AFG2A: variants seen among roughly 807,000 people sequenced by gnomAD.
AFG2A encodes AAA ATPase AFG2A.
the AFG2A span, among the ~76,000 whole-genome samples, chr4:123,112,312 A>T: frequency 1.3e-5 from 2 of 152,196 alleles, no homozygotes; most frequent in Non-Finnish European, 1.5e-5. Flanking sequence ...AAAAACAAAA[A>T]TAATTGAGTT....
the AFG2A span, among the ~76,000 whole-genome samples, chr4:123,224,939 A>G: frequency 6.6e-6 from 1 of 151,980 alleles, no homozygotes; most frequent in Admixed American, 6.6e-5. Context: ...TGTGGTTTTG[A>G]TTTGCATTTC....
the AFG2A span, among the ~76,000 whole-genome samples, chr4:123,188,727 G>A: frequency 6.6e-6 from 1 of 152,054 alleles, no homozygotes; most frequent in South Asian, 2.1e-4. Flanking sequence ...TTGTTTTAAT[G>A]TTTGTTTTAT....
At chr4:123,107,602 A>G in the AFG2A span, among the ~76,000 whole-genome samples, 1 of 152,160 alleles carries the variant, frequency 6.6e-6, no homozygotes, top group African/African-American at 2.4e-5. Flanking sequence ...CCATGTCTTG[A>G]AGGTGGGGTT....
chr4:122,999,622 T>C, the AFG2A span, among the ~76,000 whole-genome samples: 2 of 151,748 alleles, frequency 1.3e-5, no homozygotes, highest in Non-Finnish European at 3.0e-5. Context: ...TAGTTGTAGA[T>C]AGGTGGCATT....
chr4:122,993,172 T>C, the AFG2A span, among the ~76,000 whole-genome samples: 7 of 151,752 alleles, frequency 4.6e-5, no homozygotes, highest in Admixed American at 2.6e-4. Flanking sequence ...TTTTTTTTTT[T>C]AGTAGAGATG....
At chr4:123,154,217 A>C in the AFG2A span, among the ~76,000 whole-genome samples, 1 of 151,782 alleles carries the variant, frequency 6.6e-6, no homozygotes, top group Non-Finnish European at 1.5e-5. Flanking sequence ...GAATAAAAAT[A>C]AGGGAGCTTT....
the AFG2A span, among the ~76,000 whole-genome samples, chr4:123,015,611 G>A: frequency 7.3e-5 from 11 of 151,060 alleles, no homozygotes; most frequent in Non-Finnish European, 1.6e-4. Flanking sequence ...GCAACCATCC[G>A]ATTTCTCAAT....
At chr4:123,141,457 C>T in the AFG2A span, among the ~76,000 whole-genome samples, 1 of 152,036 alleles carries the variant, frequency 6.6e-6, no homozygotes, top group Non-Finnish European at 1.5e-5. Context: ...GAGCGAGACT[C>T]GGTCTCAAAA....
At chr4:123,006,553 G>T in the AFG2A span, among the ~76,000 whole-genome samples, 2 of 151,648 alleles carry the variant, frequency 1.3e-5, no homozygotes, top group East Asian at 3.9e-4. Context: ...TACTTTTTTT[G>T]TTTGGTTTTT....
the AFG2A span, among the ~76,000 whole-genome samples, chr4:123,042,404 C>T: frequency 6.6e-6 from 1 of 152,240 alleles, no homozygotes; most frequent in Non-Finnish European, 1.5e-5. Context: ...TTCATGAGGG[C>T]TCCACCCTCA....
chr4:122,990,426 C>T, the AFG2A span, among the ~76,000 whole-genome samples: 1 of 152,138 alleles, frequency 6.6e-6, no homozygotes, highest in East Asian at 1.9e-4. Flanking sequence ...TATCCTTTAC[C>T]TCACTGTGTA....
the AFG2A span, among the ~76,000 whole-genome samples, chr4:123,110,664 C>G: frequency 6.6e-6 from 1 of 152,098 alleles, no homozygotes; most frequent in Admixed American, 6.5e-5. Flanking sequence ...ATTATTACCA[C>G]TTTTATTTGA....
chr4:123,141,614 G>A, the AFG2A span, among the ~76,000 whole-genome samples: 2 of 152,168 alleles, frequency 1.3e-5, no homozygotes, highest in Non-Finnish European at 2.9e-5. Flanking sequence ...AGTAGGGTAG[G>A]TATGTTAAAT....
the AFG2A span, among the ~76,000 whole-genome samples, chr4:123,208,498 G>A: frequency 6.6e-6 from 1 of 152,122 alleles, no homozygotes; most frequent in Admixed American, 6.6e-5. Flanking sequence ...AATCAAATTA[G>A]ACCCATGTAA....
the AFG2A span, among the ~76,000 whole-genome samples, chr4:123,033,800 A>G: frequency 1.3e-5 from 2 of 152,142 alleles, no homozygotes; most frequent in Non-Finnish European, 2.9e-5. Flanking sequence ...TGTAAGTCTC[A>G]TTTTTTTCAT....
At chr4:123,252,247 C>G in the AFG2A span, among the ~76,000 whole-genome samples, 2 of 152,062 alleles carry the variant, frequency 1.3e-5, no homozygotes, top group African/African-American at 2.4e-5. Flanking sequence ...TTATAAAGCA[C>G]TGGTATGAGA....
the AFG2A span, among the ~76,000 whole-genome samples, chr4:123,151,826 C>T: frequency 5.3e-4 from 80 of 152,196 alleles, no homozygotes; most frequent in Non-Finnish European, 1.0e-3. Flanking sequence ...CACATGCACA[C>T]GTATGTTTAT....
the AFG2A span, chr4:122,934,014 A>C: frequency 5.8e-6 from 8 of 1,388,310 alleles, no homozygotes; most frequent in African/African-American, 1.0e-4. Context: ...TTTTCAGATA[A>C]TAGATGAAAT....
At chr4:122,973,968 G>A in the AFG2A span, among the ~76,000 whole-genome samples, 6 of 152,134 alleles carry the variant, frequency 3.9e-5, no homozygotes, top group African/African-American at 9.6e-5. Context: ...GTGAGCCACC[G>A]TGCCCAACTT....
Sources: allele counts gnomAD v4.1 joint callset (sites outside exome capture counted in the v4.1 genomes callset), GRCh38; gene constraint gnomAD v4.1.1; transcripts MANE v1.5; gene names NCBI Gene and HGNC (gene_info 2026-07-23, HGNC 2026-07-21).